KCNMB4: variants seen among roughly 807,000 people sequenced by gnomAD.
KCNMB4 encodes potassium calcium-activated channel subfamily M regulatory beta subunit 4.
KCNMB4 carries 3 observed loss-of-function variants against 20.7 expected under a neutral mutation model. The ratio of observed to expected loss-of-function variants is 0.14; its 90% CI spans 0.07 to 0.37. The LOEUF (loss-of-function observed/expected upper bound fraction) is 0.37, where lower values mean the gene tolerates loss of function less well. Among genes scored for constraint, KCNMB4 ranks in the 10% least tolerant of loss-of-function variants. The pLI, the probability that KCNMB4 is intolerant of heterozygous loss-of-function variation, is 1.00. For missense variants in KCNMB4, 168 were observed against 265.9 expected, an observed-to-expected ratio of 0.63 and a Z score of 2.56; for synonymous variants, 110 against 113.4, an observed-to-expected ratio of 0.97 and a Z score of 0.19.
intron 1 of KCNMB4, among the ~76,000 whole-genome samples, chr12:70,390,011 G>A (rs550256693): frequency 6.6e-6 from 1 of 152,300 alleles, no homozygotes; most frequent in South Asian, 2.1e-4. Flanking sequence ...GTTAACCAGT[G>A]TCCATAAAAT....
chr12:70,382,432 CAAAAAAAAAAA>C lies in KCNMB4; in HGVS notation c.336+15377_336+15387del, dbSNP rs397796979. On this transcript the variant is annotated intron_variant, in intron 1 of 2. Transcript: ENST00000258111. The stretch of plus-strand genomic sequence containing the variant: ...TGGGCGACAGAACGAGACTCCGTCT[CAAAAAAAAAAA>C]AAAAAAAAAAAAAATTTAAAGGTAC... Among the ~76,000 whole-genome samples, 4 of 87,982 alleles carry C rather than the reference CAAAAAAAAAAA, an allele frequency of 4.5e-5. No homozygotes were observed. The Admixed American group carries it at 4.9e-4, about 11-fold the overall frequency. The allele number at this position is 87,982 out of a possible 152,430, so 57.7% of individuals were successfully genotyped here.
intron 2 of KCNMB4, chr12:70,422,582 A>G (rs1016739521): frequency 5.1e-6 from 3 of 588,750 alleles, no homozygotes; most frequent in Non-Finnish European, 8.0e-6. Context: ...TTTCAATGGA[A>G]GAGCAACAAA....
intron 1 of KCNMB4, among the ~76,000 whole-genome samples, chr12:70,371,148 C>T (rs1883586570): frequency 1.3e-5 from 2 of 152,202 alleles, no homozygotes; most frequent in South Asian, 2.1e-4. Context: ...TGAGCCAACA[C>T]GCCCGGTCTA....
chr12:70,411,166 C>T (rs1221951730), intron 2 of KCNMB4, among the ~76,000 whole-genome samples: 1 of 152,046 alleles, frequency 6.6e-6, no homozygotes, highest in African/African-American at 2.4e-5. Context: ...TTTATGATTC[C>T]CTGGTTCTGA....
intron 2 of KCNMB4, among the ~76,000 whole-genome samples, chr12:70,420,617 C>T (rs1313005990): frequency 6.6e-6 from 1 of 152,180 alleles, no homozygotes; most frequent in Non-Finnish European, 1.5e-5. Context: ...AACCTCTGAC[C>T]TCCAGAACTG....
At chr12:70,367,134 A>G (rs898822236) in intron 1 of KCNMB4, 64 bp downstream of exon 1, 38 of 1,322,308 alleles carry the variant, frequency 2.9e-5, no homozygotes, top group Non-Finnish European at 3.9e-5. Context: ...CGTCGGTGTT[A>G]GACTCCGCGC....
chr12:70,430,908 A>T lies in KCNMB4; in HGVS notation c.*255A>T. ...TGGAGTAACTATTTCAGAAAACCCT[A>T]TAAGAAGTTCATTTTCTTTCAAAAG... On this transcript the variant is annotated 3_prime_UTR_variant, in exon 3 of 3. Coordinates refer to ENST00000258111, the MANE Select transcript of KCNMB4 (RefSeq NM_014505.6). 1 of 361,972 alleles carries T rather than the reference A, an allele frequency of 2.8e-6. No homozygotes were observed. The highest frequency in any genetic ancestry group is 4.9e-6 in the Non-Finnish European group (1 of 203,774). The allele number at this position is 361,972 out of a possible 1,614,324, so 22.4% of individuals were successfully genotyped here. A position where few individuals can be genotyped will look rare whatever the true frequency, so the allele number is the denominator to read the frequency against.
chr12:70,430,504 C>A lies in KCNMB4; in HGVS notation c.484C>A (p.His162Asn). The A allele has an allele frequency of 2.5e-6, 4 of 1,613,170 alleles. No individual in the cohort carries two copies. Among genetic ancestry groups the A allele is most frequent in the Non-Finnish European group, 3.4e-6 (4 of 1,179,684 alleles). The change falls in exon 3 of 3, where the codon CAT becomes AAT. Residue 162 changes from histidine to asparagine, a missense_variant. Transcript: ENST00000258111. ...TTGCAGACCAGATGATGTGCTTCTG[C>A]ATCGCACTCATGATGAGATTGTCCT... is the stretch of plus-strand genomic sequence containing the variant. ...QHQRPDDVLL[H>N]RTHDEIVLLH...
Position 70,393,160 on chromosome 12 carries a change from C to T in KCNMB4, c.337-7049C>T, listed in dbSNP as rs146256023. On this transcript the variant is annotated intron_variant, in intron 1 of 2. Coordinates refer to ENST00000258111, the MANE Select transcript of KCNMB4 (RefSeq NM_014505.6). The stretch of plus-strand genomic sequence containing the variant: ...TGTGATTGCTTCTATTTGGATTCAA[C>T]TTCTATTTTTGGCAAAGACTGTGTG... Among the ~76,000 whole-genome samples, 25 of 151,996 alleles carry T rather than the reference C, an allele frequency of 1.6e-4. No homozygotes were observed. In the East Asian group the frequency reaches 4.7e-3, roughly 28 times the overall value.
rs1868412370 is a variant in KCNMB4, at chr12:70,400,142, TA to T, written c.337-60del. 32 of 1,261,658 alleles carry T rather than the reference TA, an allele frequency of 2.5e-5. No homozygotes were observed. In the South Asian group the frequency reaches 2.9e-4, roughly 11 times the overall value. 78.2% of individuals were successfully genotyped at this position (1,261,658 alleles called of 1,614,324 possible). On this transcript the variant is annotated intron_variant, in intron 1 of 2. Coordinates refer to ENST00000258111, the MANE Select transcript of KCNMB4 (RefSeq NM_014505.6). ...CTGTCTTTATAATGCCATCTTTCTA[TA>T]AAAAAAGACTGTATCTCAATGTTCC...
intron 1 of KCNMB4, among the ~76,000 whole-genome samples, chr12:70,373,829 C>A (rs1461868951): frequency 6.6e-6 from 1 of 152,028 alleles, no homozygotes; most frequent in Non-Finnish European, 1.5e-5. Context: ...AAAAAAATAT[C>A]AAGGAAATTG....
chr12:70,429,263 C>A (rs1241683569), intron 2 of KCNMB4, among the ~76,000 whole-genome samples: 1 of 152,160 alleles, frequency 6.6e-6, no homozygotes, highest in Non-Finnish European at 1.5e-5. Context: ...CATTATTCTG[C>A]ATTATTTTCA....
intron 2 of KCNMB4, among the ~76,000 whole-genome samples, chr12:70,426,690 A>G (rs1323230727): frequency 6.6e-6 from 1 of 152,196 alleles, no homozygotes; most frequent in East Asian, 1.9e-4. Context: ...AATCTTTTTT[A>G]CCTCAGTTTC....
intron 2 of KCNMB4, among the ~76,000 whole-genome samples, chr12:70,412,657 A>G (rs535105717): frequency 6.6e-6 from 1 of 152,326 alleles, no homozygotes; most frequent in South Asian, 2.1e-4. Flanking sequence ...GCTTTTTTAT[A>G]GAGCAAATTA....
Position 70,400,353 on chromosome 12 carries a change from A to G in KCNMB4, c.464+17A>G, listed in dbSNP as rs762150573. 3 of 1,600,126 alleles carry G rather than the reference A, an allele frequency of 1.9e-6. No homozygotes were observed. In the Admixed American group the frequency reaches 5.3e-5, roughly 28 times the overall value. On this transcript the variant is annotated intron_variant, in intron 2 of 2. Transcript: ENST00000258111. ...ACATCAAAGGTAAGTCAATATTTGC[A>G]TGTGCGTGTTAAAATTGTTTGTAGA...
intron 1 of KCNMB4, among the ~76,000 whole-genome samples, chr12:70,394,453 G>T (rs1868332712): frequency 6.6e-6 from 1 of 152,120 alleles, no homozygotes; most frequent in African/African-American, 2.4e-5. Context: ...ATTTAACTCT[G>T]AATTCTTCCA....
At chr12:70,429,750 C>T (rs1433301820) in intron 2 of KCNMB4, among the ~76,000 whole-genome samples, 2 of 151,682 alleles carry the variant, frequency 1.3e-5, no homozygotes, top group East Asian at 1.9e-4. Flanking sequence ...GCTTGTGGAG[C>T]ACATCTCATC....
Position 70,383,609 on chromosome 12 carries a change from G to C in KCNMB4, c.336+16539G>C, listed in dbSNP as rs145226097. ...TCAAACAGGTCCATGCTCCCCTGAAGGCTCTAGAAAAACACCCTTCCTTGC... is the reference window on the plus strand; with the variant it reads ...TCAAACAGGTCCATGCTCCCCTGAACGCTCTAGAAAAACACCCTTCCTTGC... On this transcript the variant is annotated intron_variant, in intron 1 of 2. Transcript: ENST00000258111. Among the ~76,000 whole-genome samples the C allele has an allele frequency of 1.6e-4, 25 of 152,308 alleles. No homozygotes were observed. In the East Asian group the frequency reaches 4.6e-3, roughly 28 times the overall value.
At chr12:70,409,780 A>G (rs1868717931) in intron 2 of KCNMB4, among the ~76,000 whole-genome samples, 2 of 152,244 alleles carry the variant, frequency 1.3e-5, no homozygotes, top group South Asian at 4.1e-4. Flanking sequence ...AGAATGAGAT[A>G]CTACCATGTG....
Sources: gnomAD v4.1 joint callset for allele counts (sites outside exome capture counted in the v4.1 genomes callset) on GRCh38, gnomAD v4.1.1 for gene constraint, MANE v1.5 for transcripts, NCBI Gene and HGNC (gene_info 2026-07-23, HGNC 2026-07-21) for gene names.